The following RPS6KC1 variants were observed in gnomAD, a reference collection of about 807,000 sequenced individuals.
RPS6KC1 encodes the protein ribosomal protein S6 kinase C1.
A neutral mutation model predicts 103.8 loss-of-function variants in RPS6KC1; 54 were observed. The observed-to-expected ratio is 0.52, with a 90% confidence interval of 0.42 to 0.65. The LOEUF is 0.65. Ranked by LOEUF, RPS6KC1 falls within the 30% of genes least tolerant of loss-of-function variation. RPS6KC1 has a pLI of 0.00. For synonymous variants in RPS6KC1, 439 were observed against 438.7 expected (o/e 1.00, Z -0.01); for missense variants, 1,151 against 1,253.8 (o/e 0.92, Z 1.24).
intron 4 of RPS6KC1, among the ~76,000 whole-genome samples, chr1:213,112,249 ATTG>A (rs1323213389): frequency 1.3e-5 from 2 of 152,080 alleles, no homozygotes; most frequent in African/African-American, 4.8e-5. Flanking sequence ...CAGAAGAGCT[ATTG>A]TTTTAATTAT....
chr1:213,727,746 C>G, the RPS6KC1 span, among the ~76,000 whole-genome samples: 2 of 152,048 alleles, frequency 1.3e-5, no homozygotes, highest in African/African-American at 4.8e-5. Flanking sequence ...ATTTTCAATT[C>G]CCCCATGCCT....
chr1:213,514,154 A>G, the RPS6KC1 span, among the ~76,000 whole-genome samples: 1 of 152,214 alleles, frequency 6.6e-6, no homozygotes, highest in South Asian at 2.1e-4. Context: ...GTGACTTCTC[A>G]GCATTCTTAC....
chr1:213,154,242 A>G (rs1391209915), intron 6 of RPS6KC1, among the ~76,000 whole-genome samples: 7 of 152,216 alleles, frequency 4.6e-5, no homozygotes, highest in Admixed American at 2.0e-4. Context: ...AAGGCCTGTT[A>G]TAGCCACTCC....
At chr1:213,796,529 A>G in the RPS6KC1 span, among the ~76,000 whole-genome samples, 1 of 152,148 alleles carries the variant, frequency 6.6e-6, no homozygotes, top group African/African-American at 2.4e-5. Flanking sequence ...AAAAAGGGAT[A>G]CTTGGTTTGT....
intron 4 of RPS6KC1, among the ~76,000 whole-genome samples, chr1:213,112,172 T>A (rs140741086): frequency 6.6e-6 from 1 of 152,132 alleles, no homozygotes; most frequent in South Asian, 2.1e-4. Context: ...TGAGCTTTAT[T>A]ATTCTGTTAG....
chr1:213,349,825 AC>A, the RPS6KC1 span, among the ~76,000 whole-genome samples: 1 of 152,210 alleles, frequency 6.6e-6, no homozygotes, highest in Admixed American at 6.5e-5. Context: ...TGATGATCAA[AC>A]TTGACAGGGC....
At chr1:213,470,452 T>C in the RPS6KC1 span, among the ~76,000 whole-genome samples, 1 of 152,180 alleles carries the variant, frequency 6.6e-6, no homozygotes, top group Non-Finnish European at 1.5e-5. Flanking sequence ...TGGATGATGT[T>C]CTGTGCATCC....
At chr1:213,520,873 T>C in the RPS6KC1 span, among the ~76,000 whole-genome samples, 1 of 152,196 alleles carries the variant, frequency 6.6e-6, no homozygotes, top group Non-Finnish European at 1.5e-5. Context: ...ATAGTTGTTA[T>C]GAAAAACATT....
the RPS6KC1 span, among the ~76,000 whole-genome samples, chr1:213,603,424 A>G: frequency 6.6e-6 from 1 of 152,234 alleles, no homozygotes; most frequent in African/African-American, 2.4e-5. Context: ...AGGAACCATG[A>G]GAAGGGGTGG....
At chr1:213,078,439 T>G (rs2079551641) in intron 3 of RPS6KC1, among the ~76,000 whole-genome samples, 1 of 152,178 alleles carries the variant, frequency 6.6e-6, no homozygotes, top group Non-Finnish European at 1.5e-5. Context: ...TCTCATTCTG[T>G]CACCTAGGCT....
At chr1:213,418,137 A>G in the RPS6KC1 span, among the ~76,000 whole-genome samples, 1 of 152,158 alleles carries the variant, frequency 6.6e-6, no homozygotes, top group Non-Finnish European at 1.5e-5. Flanking sequence ...TGAGTGAATG[A>G]GCAGTCTGCA....
downstream of RPS6KC1, among the ~76,000 whole-genome samples, chr1:213,278,220 C>G (rs1034389544): frequency 1.3e-5 from 2 of 151,370 alleles, no homozygotes; most frequent in African/African-American, 4.9e-5. Context: ...AAAAAAAAAT[C>G]TTCCTAAAGT....
At chr1:213,159,673 T>C (rs2090271800) in intron 6 of RPS6KC1, among the ~76,000 whole-genome samples, 1 of 152,226 alleles carries the variant, frequency 6.6e-6, no homozygotes, top group South Asian at 2.1e-4. Flanking sequence ...GGGTGGTTTC[T>C]CGTCTAAATA....
At chr1:213,806,149 G>A in the RPS6KC1 span, among the ~76,000 whole-genome samples, 22 of 152,178 alleles carry the variant, frequency 1.4e-4, no homozygotes, top group East Asian at 1.9e-4. Flanking sequence ...TGGCTAACAC[G>A]GTGAAACCCT....
At chr1:213,453,276 C>G in the RPS6KC1 span, among the ~76,000 whole-genome samples, 1 of 152,112 alleles carries the variant, frequency 6.6e-6, no homozygotes, top group Non-Finnish European at 1.5e-5. Flanking sequence ...GGAAACAACT[C>G]TGAAGTCATC....
At chr1:213,412,432 C>T in the RPS6KC1 span, among the ~76,000 whole-genome samples, 3 of 152,226 alleles carry the variant, frequency 2.0e-5, no homozygotes, top group African/African-American at 4.8e-5. Context: ...TAGTTCCTGA[C>T]CACCTTACGT....
intron 10 of RPS6KC1, among the ~76,000 whole-genome samples, chr1:213,233,068 T>C (rs2094141683): frequency 6.6e-6 from 1 of 152,210 alleles, no homozygotes; most frequent in South Asian, 2.1e-4. Flanking sequence ...ATAACATTTG[T>C]ATTTAATATA....
chr1:213,862,570 T>C, the RPS6KC1 span, among the ~76,000 whole-genome samples: 1 of 152,182 alleles, frequency 6.6e-6, no homozygotes, highest in Non-Finnish European at 1.5e-5. Flanking sequence ...TATTTCACTC[T>C]CATTTAGCTA....
the RPS6KC1 span, among the ~76,000 whole-genome samples, chr1:213,655,258 G>C: frequency 6.6e-6 from 1 of 152,134 alleles, no homozygotes; most frequent in Non-Finnish European, 1.5e-5. Flanking sequence ...GGCCAGGCTG[G>C]TCTCGAACTC....
Sources: gnomAD v4.1 joint callset for allele counts (sites outside exome capture counted in the v4.1 genomes callset) on GRCh38, gnomAD v4.1.1 for gene constraint, MANE v1.5 for transcripts, NCBI Gene and HGNC (gene_info 2026-07-23, HGNC 2026-07-21) for gene names.